SRGAP1: variants seen among roughly 807,000 people sequenced by gnomAD.
The protein encoded by SRGAP1 is SLIT-ROBO Rho GTPase activating protein 1.
A neutral mutation model predicts 121.9 loss-of-function variants in SRGAP1; 43 were observed. The ratio of observed to expected loss-of-function variants is 0.35; its 90% confidence interval spans 0.28 to 0.46. SRGAP1 has a LOEUF of 0.46. SRGAP1 is among the 20% of genes least tolerant of loss of function. The pLI is 1.00. For missense variants in SRGAP1, 1,102 were observed against 1,350.9 expected (o/e 0.82, Z 2.89); for synonymous variants, 447 against 485.4 (o/e 0.92, Z 1.04).
chr12:63,940,025 A>G (rs1298628639), intron 1 of SRGAP1, among the ~76,000 whole-genome samples: 1 of 151,716 alleles, frequency 6.6e-6, no homozygotes, highest in Admixed American at 6.6e-5. Context: ...GCAGTGGCGC[A>G]ATCTCGGCTC....
chr12:64,066,968 C>T (rs1241591726), intron 8 of SRGAP1, among the ~76,000 whole-genome samples: 2 of 151,948 alleles, frequency 1.3e-5, no homozygotes, highest in Non-Finnish European at 2.9e-5. Context: ...TACACAAAGT[C>T]AAAACTGGCA....
intron 15 of SRGAP1, among the ~76,000 whole-genome samples, chr12:64,102,621 C>T (rs75278421): frequency 0.013 from 1,982 of 152,280 alleles, 42 homozygotes; most frequent in African/African-American, 0.045. Flanking sequence ...CTTTCCGTCT[C>T]TATAGATTTG....
In SRGAP1 at chr12:64,050,600, TTGTG is replaced by T. The variant is rs2035219473; in HGVS notation, c.801+7026_801+7029del. Reference sequence around the variant, plus strand: ...TATCTAATACATACCACATTTCCATTTGTGACCCCAAGGAATGTTCCACAGCTGA... The same window carrying T: ...TATCTAATACATACCACATTTCCATTACCCCAAGGAATGTTCCACAGCTGA... On this transcript the variant is annotated intron_variant, in intron 6 of 21. Coordinates refer to ENST00000355086, the MANE Select transcript of SRGAP1 (RefSeq NM_020762.4). 2.6e-5 allele frequency among the ~76,000 whole-genome samples: 4 copies of T among 152,226 alleles called. No homozygotes were observed. The South Asian group carries it at 6.2e-4, about 24-fold the overall frequency.
Position 63,866,967 on chromosome 12 carries a change from C to G in SRGAP1, c.67+22084C>G, listed in dbSNP as rs368015672. ...CACTGCAGCCTCAATCTCCTGGACT[C>G]AACTGATCCTCCCACCTCAGCCTTC... On this transcript the variant is annotated intron_variant, in intron 1 of 21. Coordinates refer to ENST00000355086, the MANE Select transcript of SRGAP1 (RefSeq NM_020762.4). 2.6e-5 allele frequency among the ~76,000 whole-genome samples: 4 copies of G among 152,138 alleles called. No homozygotes were observed. The East Asian group carries it at 7.7e-4, about 29-fold the overall frequency.
intron 4 of SRGAP1, among the ~76,000 whole-genome samples, chr12:64,018,239 CCAGCATGCCT>C (rs2034459250): frequency 6.6e-6 from 1 of 152,100 alleles, no homozygotes; most frequent in Admixed American, 6.6e-5. Flanking sequence ...CAGGCATGCG[CCAGCATGCCT>C]GGCAAATTTT....
intron 1 of SRGAP1, among the ~76,000 whole-genome samples, chr12:63,961,893 T>C (rs2032653972): frequency 1.3e-5 from 2 of 152,032 alleles, no homozygotes. Flanking sequence ...TGGATATATT[T>C]TAGATAAGTG....
chr12:63,963,157 C>G (rs1039853709), intron 1 of SRGAP1, among the ~76,000 whole-genome samples: 2 of 152,092 alleles, frequency 1.3e-5, no homozygotes. Context: ...AGCCACAGAG[C>G]ATAACTCCAC....
intron 6 of SRGAP1, among the ~76,000 whole-genome samples, chr12:64,057,199 A>T (rs752707790): frequency 6.6e-6 from 1 of 152,200 alleles, no homozygotes; most frequent in Non-Finnish European, 1.5e-5. Flanking sequence ...CATCCCTATC[A>T]CACAGATGTG....
chr12:63,961,144 TA>T (rs1181319894), intron 1 of SRGAP1, among the ~76,000 whole-genome samples: 2 of 152,146 alleles, frequency 1.3e-5, no homozygotes, highest in African/African-American at 4.8e-5. Context: ...TAATTAAAAT[TA>T]GAGACAAAAA....
intron 15 of SRGAP1, among the ~76,000 whole-genome samples, chr12:64,100,023 A>G (rs908869186): frequency 6.6e-6 from 1 of 152,208 alleles, no homozygotes; most frequent in Admixed American, 6.5e-5. Context: ...CTTATTAAAT[A>G]GCTGTTTCTT....
intron 1 of SRGAP1, among the ~76,000 whole-genome samples, chr12:63,953,429 A>C (rs1380596136): frequency 8.0e-6 from 1 of 124,956 alleles, no homozygotes; most frequent in African/African-American, 3.1e-5. Context: ...TGGTGGTAGG[A>C]TCTCACTCTG....
chr12:64,121,662 T>C (rs1380648969), intron 18 of SRGAP1, among the ~76,000 whole-genome samples: 1 of 152,196 alleles, frequency 6.6e-6, no homozygotes, highest in Non-Finnish European at 1.5e-5. Context: ...CTGCCTTCTC[T>C]TAGGTGTTTC....
chr12:64,010,480 T>C (rs2034220478), intron 3 of SRGAP1, among the ~76,000 whole-genome samples: 1 of 152,078 alleles, frequency 6.6e-6, no homozygotes, highest in Admixed American at 6.5e-5. Flanking sequence ...TAGCACTCCA[T>C]GTAGAAAGCT....
intron 1 of SRGAP1, among the ~76,000 whole-genome samples, chr12:63,872,223 T>C (rs1355699017): frequency 1.3e-5 from 2 of 152,180 alleles, no homozygotes; most frequent in Non-Finnish European, 2.9e-5. Context: ...ATTTATGAAA[T>C]TGATTTAACA....
intron 1 of SRGAP1, among the ~76,000 whole-genome samples, chr12:63,915,825 A>G (rs2030745428): frequency 6.6e-6 from 1 of 152,184 alleles, no homozygotes; most frequent in Non-Finnish European, 1.5e-5. Context: ...ACAGAAACTC[A>G]GCTCAAAACG....
intron 1 of SRGAP1, among the ~76,000 whole-genome samples, chr12:63,845,652 C>T (rs2136248133): frequency 6.6e-6 from 1 of 152,206 alleles, no homozygotes; most frequent in East Asian, 1.9e-4. Context: ...CTTTCTATGC[C>T]TTGTGATTAA....
At chr12:63,984,429 C>T (rs753946470) in intron 2 of SRGAP1, among the ~76,000 whole-genome samples, 33 of 151,766 alleles carry the variant, frequency 2.2e-4, no homozygotes, top group Admixed American at 2.0e-3. Context: ...TATAGAAACC[C>T]GGGAGTTGAT....
chr12:64,037,073 C>T (rs1280474320), intron 4 of SRGAP1, among the ~76,000 whole-genome samples: 2 of 152,156 alleles, frequency 1.3e-5, no homozygotes, highest in African/African-American at 4.8e-5. Flanking sequence ...GCTGAGAAGC[C>T]AGGGAACACT....
chr12:64,142,349 C>G lies in SRGAP1; in HGVS notation c.2935C>G (p.Gln979Glu), dbSNP rs771226433. 1 of 1,614,068 alleles carries G rather than the reference C, an allele frequency of 6.2e-7. No individual in the cohort carries two copies. Among genetic ancestry groups the G allele is most frequent in the Non-Finnish European group, 8.5e-7 (1 of 1,180,002 alleles). Residue 979 changes from glutamine (Q) to glutamate (E), a missense_variant, in exon 22 of 22, where the codon CAG becomes GAG. Physicochemically the swap from Gln to Glu is conservative, Grantham distance 29 (BLOSUM62 2). Around this residue, in one of 3 missense-constraint regions of SRGAP1, gnomAD observed 315 missense variants for 343.1 expected, o/e 0.92. Coordinates refer to ENST00000355086, the MANE Select transcript of SRGAP1 (RefSeq NM_020762.4). Reference sequence around the variant, plus strand: ...GAATGAACTCCGAGAACTGGAGAGACAGAGCACAGCAAAGCATGCCCCTGA... The same window carrying G: ...GAATGAACTCCGAGAACTGGAGAGAGAGAGCACAGCAAAGCATGCCCCTGA... Reference protein sequence around the residue: ...ALNELRELERQSTAKHAPDVV... With the variant: ...ALNELRELERESTAKHAPDVV...
Sources: gnomAD v4.1 joint callset for allele counts (sites outside exome capture counted in the v4.1 genomes callset) on GRCh38, gnomAD v4.1.1 for gene constraint, gnomAD v4.1.1 regional missense constraint, MANE v1.5 for transcripts, NCBI Gene and HGNC (gene_info 2026-07-23, HGNC 2026-07-21) for gene names.